The following CDK14 variants were observed in gnomAD, a reference collection of about 807,000 sequenced individuals.
CDK14 encodes cyclin-dependent kinase 14.
In CDK14, 34 loss-of-function variants were observed where a neutral mutation model predicts 60.7. The observed-to-expected ratio is 0.56, with a 90% CI of 0.43 to 0.75. The LOEUF is 0.75. Among genes scored for constraint, CDK14 ranks in the 30% least tolerant of loss-of-function variants. CDK14 has a pLI of 0.00. For synonymous variants in CDK14, 197 were observed against 203.7 expected, an observed-to-expected ratio of 0.97 and a Z score of 0.28; for missense variants, 482 against 564.1, an observed-to-expected ratio of 0.85 and a Z score of 1.47.
At chr7:90,834,096 C>T (rs973894930) in intron 5 of CDK14, among the ~76,000 whole-genome samples, 6 of 152,126 alleles carry the variant, frequency 3.9e-5, no homozygotes, top group Non-Finnish European at 5.9e-5. Context: ...TGGTCTTAGG[C>T]TCAAAATATC....
At chr7:91,198,407 A>G (rs1802618657) in intron 14 of CDK14, among the ~76,000 whole-genome samples, 1 of 152,238 alleles carries the variant, frequency 6.6e-6, no homozygotes, top group African/African-American at 2.4e-5. Flanking sequence ...CCAATTTTGG[A>G]TGCAAGGGCA....
chr7:90,714,994 G>A (rs1318622996), intron 2 of CDK14, among the ~76,000 whole-genome samples: 1 of 151,998 alleles, frequency 6.6e-6, no homozygotes, highest in African/African-American at 2.4e-5. Context: ...TTTAAACGCT[G>A]TTCATATGGT....
intron 12 of CDK14, among the ~76,000 whole-genome samples, chr7:91,088,569 A>ATGTGTGTGTG: frequency 6.7e-6 from 1 of 149,624 alleles, no homozygotes; most frequent in East Asian, 2.0e-4. Flanking sequence ...GTTTATATAT[A>ATGTGTGTGTG]TGTGTGTGTG....
intron 2 of CDK14, among the ~76,000 whole-genome samples, chr7:90,670,748 C>T (rs1034620114): frequency 2.6e-5 from 4 of 152,184 alleles, no homozygotes; most frequent in South Asian, 2.1e-4. Flanking sequence ...ATCCACCCCG[C>T]GACCCAAAGA....
At chr7:90,830,289 A>G (rs1789873111) in intron 5 of CDK14, among the ~76,000 whole-genome samples, 2 of 152,076 alleles carry the variant, frequency 1.3e-5, no homozygotes, top group Admixed American at 6.6e-5. Flanking sequence ...CACAAGCCCA[A>G]CACCACATGG....
intron 7 of CDK14, among the ~76,000 whole-genome samples, chr7:90,913,501 A>G (rs1451292553): frequency 6.6e-6 from 1 of 152,254 alleles, no homozygotes; most frequent in Admixed American, 6.5e-5. Context: ...GCACAAGGTC[A>G]TCATAGAAGA....
chr7:90,632,411 G>T, intron 2 of CDK14: 1 of 257,186 alleles, frequency 3.9e-6, no homozygotes, highest in South Asian at 5.2e-5. Context: ...GGAGTAAAGT[G>T]ATTGGCAGTG....
At chr7:90,831,334 G>A (rs896275790) in intron 5 of CDK14, among the ~76,000 whole-genome samples, 3 of 152,140 alleles carry the variant, frequency 2.0e-5, no homozygotes, top group African/African-American at 7.2e-5. Flanking sequence ...AGAGAACGAT[G>A]GGTGAGGTGC....
chr7:90,909,800 GA>G (rs3840664), intron 7 of CDK14, among the ~76,000 whole-genome samples: 5,788 of 152,086 alleles, frequency 0.038, 314 homozygotes, highest in East Asian at 0.18. Context: ...TCATCTTTAG[GA>G]AAAGCATATT....
rs146277549 is a variant in CDK14 at position 91,061,416 on chromosome 7, C to T, written c.1105+15456C>T. ...CTCTCAATTCGTCAAAGTCATTCTC[C>T]ATCCAGCTTTGTTCCGTTGCTGGTG... On this transcript the variant is annotated intron_variant, in intron 11 of 14. Transcript: ENST00000380050. 2.7e-3 allele frequency among the ~76,000 whole-genome samples: 414 copies of T among 152,362 alleles called. 1 individual carries two copies. The highest frequency in any genetic ancestry group is 9.5e-3 in the African/African-American group (396 of 41,588).
chr7:91,120,536 C>CTT lies in CDK14; in HGVS notation c.*28+2342_*28+2343dup, dbSNP rs5885756. The stretch of plus-strand genomic sequence containing the variant: ...GCCTTTTTCACATCAACTTGTAAAG[C>CTT]TTTTTTTTTTTTTTTGAGATGGAGT... On this transcript the variant is annotated intron_variant, in intron 14 of 14. Coordinates refer to ENST00000380050, the MANE Select transcript of CDK14 (RefSeq NM_001287135.2). Among the ~76,000 whole-genome samples, 80 of 139,294 alleles carry CTT rather than the reference C, an allele frequency of 5.7e-4. 1 individual carries two copies. In the Middle Eastern group the frequency reaches 0.014, roughly 25 times the overall value. The allele number at this position is 139,294 out of a possible 152,430, so 91.4% of individuals were successfully genotyped here. A position where few individuals can be genotyped will look rare whatever the true frequency, so the allele number is the denominator to read the frequency against.
intron 2 of CDK14, among the ~76,000 whole-genome samples, chr7:90,677,641 G>A (rs569833783): frequency 6.6e-6 from 1 of 151,968 alleles, no homozygotes; most frequent in East Asian, 1.9e-4. Flanking sequence ...ATGTTTTCCT[G>A]GAAGCTGTTT....
intron 14 of CDK14, among the ~76,000 whole-genome samples, chr7:91,155,548 G>A (rs1008826217): frequency 4.6e-5 from 7 of 152,160 alleles, no homozygotes; most frequent in African/African-American, 1.7e-4. Context: ...TTGTGAAGCA[G>A]TTAGTTCTCC....
intron 12 of CDK14, chr7:91,107,861 A>G (rs1180375082): frequency 6.6e-6 from 1 of 152,222 alleles, no homozygotes; most frequent in Non-Finnish European, 1.5e-5. Flanking sequence ...CAGTTTATCA[A>G]ACATATTAGC....
intron 2 of CDK14, among the ~76,000 whole-genome samples, chr7:90,722,446 T>A (rs905317766): frequency 6.6e-6 from 1 of 152,136 alleles, no homozygotes; most frequent in Non-Finnish European, 1.5e-5. Context: ...GCTCAAATGA[T>A]CCACCTGCCA....
intron 8 of CDK14, among the ~76,000 whole-genome samples, chr7:90,949,154 A>G (rs142366287): frequency 2.1e-3 from 320 of 152,212 alleles, no homozygotes; most frequent in Middle Eastern, 0.01. Flanking sequence ...CTGTTATTTA[A>G]AAATTATATA....
At chr7:90,610,902 C>A (rs1387747136) in intron 2 of CDK14, among the ~76,000 whole-genome samples, 1 of 152,162 alleles carries the variant, frequency 6.6e-6, no homozygotes, top group Non-Finnish European at 1.5e-5. Context: ...TTGGTGGACA[C>A]AATTCAACCT....
chr7:91,135,384 G>A (rs1458563881), intron 14 of CDK14, among the ~76,000 whole-genome samples: 2 of 152,144 alleles, frequency 1.3e-5, no homozygotes, highest in African/African-American at 4.8e-5. Context: ...CCTTTTAGAG[G>A]CAGTGGCAGG....
At chr7:90,985,352 T>G (rs773546704) in intron 10 of CDK14, among the ~76,000 whole-genome samples, 7 of 152,196 alleles carry the variant, frequency 4.6e-5, no homozygotes, top group Non-Finnish European at 7.4e-5. Flanking sequence ...AACAGCACCT[T>G]CTTCATAGGT....
Sources: allele counts gnomAD v4.1 joint callset (sites outside exome capture counted in the v4.1 genomes callset), GRCh38; gene constraint gnomAD v4.1.1; transcripts MANE v1.5; gene names NCBI Gene and HGNC (gene_info 2026-07-23, HGNC 2026-07-21).